The following SIL1 variants were observed in gnomAD, a reference collection of about 807,000 sequenced individuals.
SIL1 encodes the protein nucleotide exchange factor SIL1.
SIL1 carries 40 observed loss-of-function variants against 49.1 expected under a neutral mutation model. The ratio of observed to expected loss-of-function variants is 0.81; its 90% CI spans 0.63 to 1.06. SIL1 has a LOEUF of 1.06. Ranked by LOEUF, SIL1 falls within the 50% of genes least tolerant of loss-of-function variation. The pLI is 0.00. For missense variants in SIL1, 500 were observed against 572.6 expected, an observed-to-expected ratio of 0.87 and a Z score of 1.29; for synonymous variants, 253 against 250.8, an observed-to-expected ratio of 1.01 and a Z score of -0.08.
At chr5:139,084,161 C>T (rs572013810) in intron 3 of SIL1, among the ~76,000 whole-genome samples, 14 of 151,810 alleles carry the variant, frequency 9.2e-5, no homozygotes, top group Non-Finnish European at 1.8e-4. Context: ...CTTGGCGATG[C>T]GGGAACACTT....
In SIL1 at chr5:138,963,044, T is replaced by TTCACACACTGAGATTTA. The variant is rs1767057052; in HGVS notation, c.768-11177_768-11161dup. Reference sequence around the variant, plus strand: ...TTAAGCTAAAACATACGGGAGATTTTTCACACACTGAGATTTATCAACTTT... The same window carrying TTCACACACTGAGATTTA: ...TTAAGCTAAAACATACGGGAGATTTTTCACACACTGAGATTTATCACACACTGAGATTTATCAACTTT... On this transcript the variant is annotated intron_variant, in intron 7 of 9. Transcript: ENST00000394817. Among the ~76,000 whole-genome samples, 6 of 152,328 alleles carry TTCACACACTGAGATTTA rather than the reference T, an allele frequency of 3.9e-5. No homozygotes were observed. The South Asian group carries it at 1.2e-3, about 32-fold the overall frequency.
intron 6 of SIL1, among the ~76,000 whole-genome samples, chr5:139,024,167 C>T (rs1017472791): frequency 6.6e-6 from 1 of 152,124 alleles, no homozygotes; most frequent in African/African-American, 2.4e-5. Flanking sequence ...GACCTGATAC[C>T]TAAAGATTCA....
In SIL1 at chr5:138,987,276, C is replaced by T. The variant is rs527485089; in HGVS notation, c.767+33895G>A. Among the ~76,000 whole-genome samples the T allele has an allele frequency of 2.2e-4, 34 of 151,482 alleles. No homozygotes were observed. The South Asian group carries it at 4.8e-3, about 21-fold the overall frequency. On this transcript the variant is annotated intron_variant, in intron 7 of 9. Transcript: ENST00000394817. Reference sequence around the variant, plus strand: ...AGGCACACACCACCACTCTTGGTTGCTTTTTGTATCTTTTTTGGTACAGAT... The same window carrying T: ...AGGCACACACCACCACTCTTGGTTGTTTTTTGTATCTTTTTTGGTACAGAT...
intron 2 of SIL1, among the ~76,000 whole-genome samples, chr5:139,124,561 C>T (rs1320885536): frequency 6.6e-6 from 1 of 152,182 alleles, no homozygotes; most frequent in Non-Finnish European, 1.5e-5. Flanking sequence ...TCTTTAGATG[C>T]TTTGCCCAAA....
chr5:139,056,240 G>A (rs1332710207), intron 3 of SIL1, among the ~76,000 whole-genome samples: 24 of 145,530 alleles, frequency 1.6e-4, no homozygotes, highest in South Asian at 2.3e-4. Flanking sequence ...GCCTCTTCCC[G>A]GCCGCCATCC....
chr5:139,004,782 TAAAG>T lies in SIL1; in HGVS notation c.767+16385_767+16388del, dbSNP rs755963776. Among the ~76,000 whole-genome samples, 121 of 151,980 alleles carry T rather than the reference TAAAG, an allele frequency of 8.0e-4. No homozygotes were observed. The Middle Eastern group carries it at 0.02, about 26-fold the overall frequency. On this transcript the variant is annotated intron_variant, in intron 7 of 9. Coordinates refer to ENST00000394817, the MANE Select transcript of SIL1 (RefSeq NM_022464.5). Reference sequence around the variant, plus strand: ...GGAGTATTATTCAGCCAGAAAAAAATAAAGAAAAACTGCCATTTGTGACAATACA... The same window carrying T: ...GGAGTATTATTCAGCCAGAAAAAAATAAAAACTGCCATTTGTGACAATACA...
chr5:139,084,639 T>A (rs1770168788), intron 3 of SIL1, among the ~76,000 whole-genome samples: 2 of 110,118 alleles, frequency 1.8e-5, no homozygotes, highest in Non-Finnish European at 3.7e-5. Context: ...TGTGGTGGGG[T>A]CGGGGGAGGG....
intron 1 of SIL1, among the ~76,000 whole-genome samples, chr5:139,143,287 A>G (rs1237761805): frequency 1.4e-5 from 2 of 146,702 alleles, no homozygotes; most frequent in Non-Finnish European, 3.0e-5. Flanking sequence ...ATGTATATAC[A>G]CATGTGTATA....
At chr5:139,083,569 T>G (rs552513877) in intron 3 of SIL1, among the ~76,000 whole-genome samples, 2 of 76,868 alleles carry the variant, frequency 2.6e-5, no homozygotes, top group African/African-American at 1.1e-4. Flanking sequence ...CATTGTAGAT[T>G]CTGGATATTA....
intron 7 of SIL1, among the ~76,000 whole-genome samples, chr5:138,981,717 A>G (rs1488405354): frequency 1.3e-5 from 2 of 152,228 alleles, no homozygotes; most frequent in Non-Finnish European, 2.9e-5. Context: ...ATGGGCAGGG[A>G]CTGGAGTTTC....
intron 1 of SIL1, among the ~76,000 whole-genome samples, chr5:139,144,705 T>C (rs761465437): frequency 6.6e-6 from 1 of 152,098 alleles, no homozygotes; most frequent in African/African-American, 2.4e-5. Flanking sequence ...ACCCCGTCTC[T>C]ACTAAAAATA....
At chr5:139,105,335 C>A (rs1037654562) in intron 3 of SIL1, among the ~76,000 whole-genome samples, 3 of 152,186 alleles carry the variant, frequency 2.0e-5, no homozygotes, top group Admixed American at 2.0e-4. Flanking sequence ...GGAGGCTGGA[C>A]TGTGGCTTTG....
chr5:139,122,568 CTG>C (rs1017849110), intron 2 of SIL1, among the ~76,000 whole-genome samples: 1 of 151,736 alleles, frequency 6.6e-6, no homozygotes, highest in Non-Finnish European at 1.5e-5. Context: ...ACACTTCAGC[CTG>C]TGTGACAGAG....
chr5:139,046,679 A>G (rs6882526), intron 4 of SIL1, among the ~76,000 whole-genome samples: 64,005 of 151,988 alleles, frequency 0.42, 14,334 homozygotes, highest in African/African-American at 0.59. Flanking sequence ...TGAAATAAGG[A>G]CTAGTGGTAA....
intron 1 of SIL1, among the ~76,000 whole-genome samples, chr5:139,152,958 A>C (rs1011446980): frequency 4.4e-4 from 67 of 152,304 alleles, no homozygotes; most frequent in African/African-American, 1.4e-3. Flanking sequence ...AGCTGGGATT[A>C]CAGGCATATG....
At chr5:139,136,469 C>T (rs1001178880) in intron 1 of SIL1, among the ~76,000 whole-genome samples, 1 of 152,144 alleles carries the variant, frequency 6.6e-6, no homozygotes. Flanking sequence ...AAAAGGACAG[C>T]GGACCAAGCA....
At chr5:139,166,262 C>T (rs193236423) in intron 1 of SIL1, among the ~76,000 whole-genome samples, 3 of 152,294 alleles carry the variant, frequency 2.0e-5, no homozygotes, top group South Asian at 2.1e-4. Flanking sequence ...ACCACTTATA[C>T]GACAGTGGTC....
chr5:139,028,368 C>T (rs1768709367), intron 5 of SIL1, among the ~76,000 whole-genome samples: 2 of 151,710 alleles, frequency 1.3e-5, no homozygotes, highest in Admixed American at 6.6e-5. Context: ...CATGGTGGCT[C>T]ACACCTGTAG....
chr5:139,080,267 A>G (rs1327811357), intron 3 of SIL1, among the ~76,000 whole-genome samples: 2 of 152,246 alleles, frequency 1.3e-5, no homozygotes, highest in African/African-American at 4.8e-5. Context: ...CAATGCATAC[A>G]GTGTGGACAC....
Sources: allele counts gnomAD v4.1 joint callset (sites outside exome capture counted in the v4.1 genomes callset), GRCh38; gene constraint gnomAD v4.1.1; transcripts MANE v1.5; gene names NCBI Gene and HGNC (gene_info 2026-07-23, HGNC 2026-07-21).